The following ANKS1A variants were observed in gnomAD, a reference collection of about 807,000 sequenced individuals.
ANKS1A encodes the protein ankyrin repeat and sterile alpha motif domain containing 1A, also known as ankyrin repeat and SAM domain-containing protein 1A.
ANKS1A carries 55 observed loss-of-function variants against 120.3 expected under a neutral mutation model. The observed-to-expected ratio is 0.46, with a 90% CI of 0.37 to 0.57. The LOEUF (loss-of-function observed/expected upper bound fraction) is 0.57. ANKS1A is among the 20% of genes least tolerant of loss of function. ANKS1A has a pLI of 0.00. For missense variants in ANKS1A, 1,123 were observed against 1,480.3 expected, an observed-to-expected ratio of 0.76 and a Z score of 3.96; for synonymous variants, 590 against 604.7, an observed-to-expected ratio of 0.98 and a Z score of 0.36.
chr6:34,891,924 G>T (rs947482417), intron 1 of ANKS1A, among the ~76,000 whole-genome samples: 1 of 152,194 alleles, frequency 6.6e-6, no homozygotes, highest in African/African-American at 2.4e-5. Flanking sequence ...ACCTTGCCCG[G>T]CCTCAGGTCA....
At chr6:35,083,101 C>A in intron 18 of ANKS1A, 54 bp from the exon 19 acceptor site, 1 of 1,603,828 alleles carries the variant, frequency 6.2e-7, no homozygotes. Flanking sequence ...GGTTGGGTCA[C>A]CCCTGCATGG....
At chr6:34,896,023 G>T (rs1467306437) in intron 1 of ANKS1A, among the ~76,000 whole-genome samples, 1 of 150,316 alleles carries the variant, frequency 6.7e-6, no homozygotes, top group Admixed American at 6.6e-5. Flanking sequence ...TCAGCCTCCG[G>T]AAGTGCTAGG....
chr6:35,004,289 C>T (rs1424975361), intron 10 of ANKS1A, among the ~76,000 whole-genome samples: 2 of 151,934 alleles, frequency 1.3e-5, no homozygotes, highest in African/African-American at 4.8e-5. Context: ...GGGTTTTGTC[C>T]GCAGCTGGTC....
intron 3 of ANKS1A, 108 bp downstream of exon 3, chr6:34,970,274 T>G: frequency 7.9e-7 from 1 of 1,259,402 alleles, no homozygotes; most frequent in Non-Finnish European, 1.1e-6. Context: ...CAGCTCTTCC[T>G]TTTCTTTCTT....
chr6:35,066,445 A>G (rs1047715715), intron 13 of ANKS1A, among the ~76,000 whole-genome samples: 10 of 152,096 alleles, frequency 6.6e-5, no homozygotes, highest in African/African-American at 2.4e-4. Flanking sequence ...CCAAGACCTC[A>G]AAGAGGAAGG....
At chr6:35,068,825 C>G (rs1342675169) in intron 13 of ANKS1A, among the ~76,000 whole-genome samples, 1 of 152,148 alleles carries the variant, frequency 6.6e-6, no homozygotes, top group Non-Finnish European at 1.5e-5. Flanking sequence ...GGCAAAGTGA[C>G]CGTCTGAGAA....
At chr6:35,009,043 C>T (rs1364683953) in intron 10 of ANKS1A, among the ~76,000 whole-genome samples, 2 of 152,194 alleles carry the variant, frequency 1.3e-5, no homozygotes, top group Non-Finnish European at 2.9e-5. Context: ...ATTGGATCTC[C>T]ACCGTCAGTG....
At chr6:34,981,044 C>T (rs1771877503) in intron 3 of ANKS1A, among the ~76,000 whole-genome samples, 1 of 152,160 alleles carries the variant, frequency 6.6e-6, no homozygotes, top group African/African-American at 2.4e-5. Context: ...TTGCTTGGTG[C>T]AGGCTCCTGG....
chr6:35,083,536 G>A (rs1777799532), intron 20 of ANKS1A, 33 bp downstream of exon 20: 6 of 1,604,236 alleles, frequency 3.7e-6, no homozygotes, highest in Middle Eastern at 1.6e-4. Context: ...TGGTGGGAGT[G>A]GGACCCACAT....
chr6:35,084,982 G>A lies in ANKS1A; in HGVS notation c.3132+724G>A, dbSNP rs953738851. On this transcript the variant is annotated intron_variant, in intron 21 of 23. Coordinates refer to ENST00000360359, the MANE Select transcript of ANKS1A (RefSeq NM_015245.3). This position sits in a 1 kb window ranked among gnomAD's most constrained non-coding sequence, Gnocchi z 4.8. ...AGTCAGAGGGGTCCAGGTCTCTGCC[G>A]CCCTCAGGGATAGCAGCTGCTTCCA... Among the ~76,000 whole-genome samples the A allele has an allele frequency of 4.6e-5, 7 of 152,136 alleles. No homozygotes were observed. The highest frequency in any genetic ancestry group is 6.5e-5 in the Admixed American group (1 of 15,284).
intron 12 of ANKS1A, among the ~76,000 whole-genome samples, chr6:35,056,266 T>C (rs1193216728): frequency 6.6e-6 from 1 of 152,086 alleles, no homozygotes; most frequent in African/African-American, 2.4e-5. Flanking sequence ...CACCTACTAG[T>C]TTTTTGTTTG....
At chr6:35,087,967 C>CA (rs1469710193) in intron 23 of ANKS1A, among the ~76,000 whole-genome samples, 1 of 152,232 alleles carries the variant, frequency 6.6e-6, no homozygotes, top group Non-Finnish European at 1.5e-5. Flanking sequence ...TCCGTAGAAC[C>CA]AACGAGGAGG....
intron 1 of ANKS1A, among the ~76,000 whole-genome samples, chr6:34,901,700 G>A (rs750992005): frequency 4.1e-4 from 63 of 152,058 alleles, no homozygotes; most frequent in African/African-American, 1.4e-3. Context: ...TTGTAGAGAC[G>A]GAGTCTTGCC....
Position 34,982,635 on chromosome 6 carries a change from G to T in ANKS1A, c.733-117G>T. 9.9e-7 allele frequency: 1 copy of T among 1,012,556 alleles called. No individual in the cohort carries two copies. Among genetic ancestry groups the T allele is most frequent in the Non-Finnish European group, 1.5e-6 (1 of 655,324 alleles). 62.7% of individuals were successfully genotyped at this position (1,012,556 alleles called of 1,614,324 possible). A position where few individuals can be genotyped will look rare whatever the true frequency, so the allele number is the denominator to read the frequency against. ...AAAAGCTGGAAAGATAATGACAGAGGGCTTTGTGTAGTTTGTTTTATTTTG... is the reference window on the plus strand; with the variant it reads ...AAAAGCTGGAAAGATAATGACAGAGTGCTTTGTGTAGTTTGTTTTATTTTG... On this transcript the variant is annotated intron_variant, in intron 4 of 23. Transcript: ENST00000360359. This position sits in a 1 kb window ranked among gnomAD's most constrained non-coding sequence, Gnocchi z 4.9.
intron 13 of ANKS1A, among the ~76,000 whole-genome samples, chr6:35,075,873 C>T (rs985883807): frequency 2.0e-5 from 3 of 152,172 alleles, no homozygotes; most frequent in Non-Finnish European, 2.9e-5. Flanking sequence ...GTGTTCCTCC[C>T]ACCCAGCTTT....
intron 13 of ANKS1A, among the ~76,000 whole-genome samples, chr6:35,074,516 G>A (rs535216288): frequency 3.3e-4 from 50 of 151,828 alleles, no homozygotes; most frequent in African/African-American, 1.0e-3. Context: ...AGGATCACTC[G>A]AGCCCAGGTC....
chr6:35,069,951 T>C (rs1260877161), intron 13 of ANKS1A, among the ~76,000 whole-genome samples: 1 of 138,228 alleles, frequency 7.2e-6, no homozygotes, highest in Non-Finnish European at 1.5e-5. Context: ...CGCTTGAACC[T>C]GGGAGGTGGA....
At chr6:35,065,294 C>A (rs1318116693) in intron 13 of ANKS1A, among the ~76,000 whole-genome samples, 1 of 152,170 alleles carries the variant, frequency 6.6e-6, no homozygotes, top group Non-Finnish European at 1.5e-5. Context: ...CTGACTGCCC[C>A]AGGTACTGCT....
intron 1 of ANKS1A, among the ~76,000 whole-genome samples, chr6:34,920,549 G>A (rs1768383573): frequency 6.6e-6 from 1 of 152,074 alleles, no homozygotes; most frequent in African/African-American, 2.4e-5. Context: ...TTTTAAAGAT[G>A]CACCAAGGTG....
Sources: allele counts gnomAD v4.1 joint callset (sites outside exome capture counted in the v4.1 genomes callset), GRCh38; gene constraint gnomAD v4.1.1; non-coding constraint Gnocchi (gnomAD v3.1); transcripts MANE v1.5; gene names NCBI Gene and HGNC (gene_info 2026-07-23, HGNC 2026-07-21).